The following SLC10A7 variants were observed in gnomAD, a reference collection of about 807,000 sequenced individuals.
The protein encoded by SLC10A7 is sodium/bile acid cotransporter 7.
In SLC10A7, 29 loss-of-function variants were observed where a neutral mutation model predicts 43.2. The observed-to-expected ratio is 0.67, with a 90% CI of 0.50 to 0.92. SLC10A7 has a LOEUF of 0.92. Ranked by LOEUF, SLC10A7 falls within the 40% of genes least tolerant of loss-of-function variation. SLC10A7 has a pLI of 0.00. For missense variants in SLC10A7, 295 were observed against 403.2 expected (o/e 0.73, Z 2.30); for synonymous variants, 152 against 144.8 (o/e 1.05, Z -0.35).
intron 5 of SLC10A7, among the ~76,000 whole-genome samples, chr4:146,357,931 A>AC (rs11455281): frequency 0.011 from 1,661 of 152,226 alleles, 24 homozygotes; most frequent in African/African-American, 0.037. Flanking sequence ...AGTCATCCTG[A>AC]CAGAACTCCC....
intron 9 of SLC10A7, among the ~76,000 whole-genome samples, chr4:146,290,330 GA>G (rs1373133863): frequency 1.0e-3 from 110 of 110,158 alleles, no homozygotes; most frequent in Middle Eastern, 5.1e-3. Context: ...TCTCAAAAAA[GA>G]AAAAAAAAAA....
chr4:146,501,981 A>C (rs1033578858), intron 4 of SLC10A7, among the ~76,000 whole-genome samples: 2 of 152,250 alleles, frequency 1.3e-5, no homozygotes, highest in Admixed American at 1.3e-4. Flanking sequence ...CAGACTAGGA[A>C]AAAATATTGA....
At chr4:146,461,167 G>A (rs1461744962) in intron 4 of SLC10A7, among the ~76,000 whole-genome samples, 2 of 151,808 alleles carry the variant, frequency 1.3e-5, no homozygotes, top group East Asian at 1.9e-4. Context: ...ATTTAAAGAT[G>A]GTAAGGATTT....
intron 5 of SLC10A7, among the ~76,000 whole-genome samples, chr4:146,413,964 A>T (rs1728379815): frequency 6.6e-6 from 1 of 152,174 alleles, no homozygotes; most frequent in African/African-American, 2.4e-5. Context: ...GATCCAAGGG[A>T]ACTTTTAATG....
chr4:146,377,890 A>T (rs910410696), intron 5 of SLC10A7, among the ~76,000 whole-genome samples: 1 of 152,202 alleles, frequency 6.6e-6, no homozygotes, highest in African/African-American at 2.4e-5. Flanking sequence ...TTCAAACTTC[A>T]TAGGTTTATA....
intron 4 of SLC10A7, among the ~76,000 whole-genome samples, chr4:146,464,424 C>T (rs1375934537): frequency 2.0e-5 from 3 of 151,894 alleles, no homozygotes; most frequent in Non-Finnish European, 2.9e-5. Context: ...CTATATTGCT[C>T]ACTAGGAATA....
intron 3 of SLC10A7, among the ~76,000 whole-genome samples, chr4:146,505,032 G>A (rs913625304): frequency 6.6e-6 from 1 of 152,124 alleles, no homozygotes; most frequent in Non-Finnish European, 1.5e-5. Context: ...GGGAGAACAG[G>A]TAGCTGGCCT....
chr4:146,356,220 T>C (rs1321066017), intron 5 of SLC10A7, among the ~76,000 whole-genome samples: 1 of 152,028 alleles, frequency 6.6e-6, no homozygotes, highest in African/African-American at 2.4e-5. Context: ...AAAAATCTTT[T>C]ACTATGAGTT....
chr4:146,505,165 T>C (rs1736782602), intron 3 of SLC10A7, among the ~76,000 whole-genome samples: 1 of 152,174 alleles, frequency 6.6e-6, no homozygotes, highest in Non-Finnish European at 1.5e-5. Context: ...GGGCCCCACT[T>C]ATACAAGAAT....
intron 7 of SLC10A7, among the ~76,000 whole-genome samples, chr4:146,294,586 G>A (rs1030179983): frequency 6.6e-6 from 1 of 152,206 alleles, no homozygotes; most frequent in South Asian, 2.1e-4. Context: ...CAATGCACCA[G>A]AAGTTTTTAA....
chr4:146,468,110 G>A (rs753585709), intron 4 of SLC10A7, among the ~76,000 whole-genome samples: 6 of 152,166 alleles, frequency 3.9e-5, no homozygotes, highest in African/African-American at 9.7e-5. Flanking sequence ...AACCTCTAAC[G>A]AGTTTAATTA....
At chr4:146,500,824 T>C (rs1278730984) in intron 4 of SLC10A7, among the ~76,000 whole-genome samples, 1 of 152,156 alleles carries the variant, frequency 6.6e-6, no homozygotes, top group Non-Finnish European at 1.5e-5. Context: ...CAAATAAGCT[T>C]TTATCCCAAT....
chr4:146,354,344 C>A (rs1024903156), intron 5 of SLC10A7, among the ~76,000 whole-genome samples: 1 of 152,038 alleles, frequency 6.6e-6, no homozygotes, highest in Non-Finnish European at 1.5e-5. Context: ...ATGTGAAGGA[C>A]CTCTTCAAGG....
At chr4:146,491,804 G>A (rs964672528) in intron 4 of SLC10A7, among the ~76,000 whole-genome samples, 1 of 152,082 alleles carries the variant, frequency 6.6e-6, no homozygotes, top group African/African-American at 2.4e-5. Flanking sequence ...AGATTAAAAT[G>A]CAGCTCAGCC....
chr4:146,439,811 T>C (rs1730462562), intron 5 of SLC10A7, among the ~76,000 whole-genome samples: 1 of 152,130 alleles, frequency 6.6e-6, no homozygotes, highest in South Asian at 2.1e-4. Flanking sequence ...CTACCCATAA[T>C]CCTAAATTTT....
At chr4:146,433,942 T>C (rs1478542146) in intron 5 of SLC10A7, among the ~76,000 whole-genome samples, 1 of 152,278 alleles carries the variant, frequency 6.6e-6, no homozygotes, top group Admixed American at 6.5e-5. Context: ...ATTTTACCCA[T>C]TTACATTATC....
chr4:146,446,510 A>C (rs924824736), intron 4 of SLC10A7, among the ~76,000 whole-genome samples: 13 of 149,882 alleles, frequency 8.7e-5, no homozygotes, highest in African/African-American at 3.2e-4. Context: ...TAGGAGGTGG[A>C]GGTTGCAGTG....
intron 5 of SLC10A7, among the ~76,000 whole-genome samples, chr4:146,345,246 C>T (rs560760236): frequency 6.6e-6 from 1 of 152,222 alleles, no homozygotes; most frequent in South Asian, 2.1e-4. Context: ...GGCAAATGCT[C>T]GTTTCTAAAT....
chr4:146,289,646 G>A (rs553344111), intron 9 of SLC10A7, among the ~76,000 whole-genome samples: 1 of 144,674 alleles, frequency 6.9e-6, no homozygotes, highest in Non-Finnish European at 1.5e-5. Context: ...CTAGGACAGA[G>A]AAAAGTAAAA....
Sources: gnomAD v4.1 joint callset for allele counts (sites outside exome capture counted in the v4.1 genomes callset) on GRCh38, gnomAD v4.1.1 for gene constraint, MANE v1.5 for transcripts, NCBI Gene and HGNC (gene_info 2026-07-23, HGNC 2026-07-21) for gene names.